Variants in TMEM266 observed in about 807,000 individuals in gnomAD.
TMEM266 encodes the protein Hv1 related protein 1.
In TMEM266, 33 loss-of-function variants were observed where a neutral mutation model predicts 50.5. The ratio of observed to expected loss-of-function variants is 0.65; its 90% CI spans 0.50 to 0.87. TMEM266 has a LOEUF of 0.87. TMEM266 is among the 40% of genes least tolerant of loss of function. The pLI, the probability that TMEM266 is intolerant of heterozygous loss-of-function variation, is 0.00. For missense variants in TMEM266, 655 were observed against 695.1 expected (o/e 0.94, Z 0.65); for synonymous variants, 310 against 292.3 (o/e 1.06, Z -0.62).
At chr15:76,126,783 C>A (rs984308434) in intron 1 of TMEM266, among the ~76,000 whole-genome samples, 2 of 152,056 alleles carry the variant, frequency 1.3e-5, no homozygotes, top group Non-Finnish European at 2.9e-5. Flanking sequence ...CCTGCCTGGG[C>A]CTCCCAAAGT....
At chr15:76,099,686 C>G (rs982253150) in intron 1 of TMEM266, among the ~76,000 whole-genome samples, 19 of 152,166 alleles carry the variant, frequency 1.2e-4, no homozygotes, top group African/African-American at 4.3e-4. Flanking sequence ...CGGGTGTGCT[C>G]TGCTGTCCTG....
intron 2 of TMEM266, among the ~76,000 whole-genome samples, chr15:76,136,227 G>C (rs781055618): frequency 2.6e-5 from 4 of 152,216 alleles, no homozygotes; most frequent in Non-Finnish European, 5.9e-5. Context: ...ACAGGCGTGA[G>C]CCACCATGCC....
chr15:76,156,594 G>T lies in TMEM266; in HGVS notation c.228-10G>T. 1.2e-6 allele frequency: 2 copies of T among 1,613,126 alleles called. No individual in the cohort carries two copies. The highest frequency in any genetic ancestry group is 1.7e-6 in the Non-Finnish European group (2 of 1,179,854). ...CTGAGCCTCTCTTCTCCCCACTTTT[G>T]TCCCCACAGGTCTAACTGGCTGAAG... On this transcript the variant is annotated splice_polypyrimidine_tract_variant and intron_variant, in intron 3 of 10. Transcript: ENST00000388942.
At chr15:76,203,603 G>C (rs536788647) in intron 10 of TMEM266, 138 bp from the exon 11 acceptor site, 2 of 749,720 alleles carry the variant, frequency 2.7e-6, no homozygotes, top group East Asian at 5.0e-5. Context: ...GTTCTACCAA[G>C]GCCTCCTTCC....
intron 1 of TMEM266, among the ~76,000 whole-genome samples, chr15:76,111,110 C>T (rs954197451): frequency 3.4e-5 from 5 of 145,756 alleles, no homozygotes; most frequent in South Asian, 2.2e-4. Flanking sequence ...GATGGAGTTT[C>T]GCTTTTGTTG....
At position 76,202,271 on chromosome 15, in the gene TMEM266, C is replaced by G. The variant is rs1489350728; in HGVS notation, c.1021+7C>G. 2.5e-6 allele frequency: 4 copies of G among 1,612,734 alleles called. No individual in the cohort carries two copies. Among genetic ancestry groups the G allele is most frequent in the Non-Finnish European group, 3.4e-6 (4 of 1,179,110 alleles). On this transcript the variant is annotated splice_region_variant and intron_variant, in intron 10 of 10. Coordinates refer to ENST00000388942, the MANE Select transcript of TMEM266 (RefSeq NM_152335.3). The stretch of plus-strand genomic sequence containing the variant: ...TACAATGGGCCCAGCAGTGGTAAGT[C>G]TGGGTTGGGGCTGTTCTACATGTGC...
At chr15:76,096,420 T>C (rs2036921119) in intron 1 of TMEM266, among the ~76,000 whole-genome samples, 1 of 152,112 alleles carries the variant, frequency 6.6e-6, no homozygotes, top group African/African-American at 2.4e-5. Flanking sequence ...TTGTGCAGTT[T>C]TGAGTGAGTT....
At chr15:76,195,377 C>T (rs1253357978) in intron 9 of TMEM266, among the ~76,000 whole-genome samples, 3 of 152,240 alleles carry the variant, frequency 2.0e-5, no homozygotes, top group Admixed American at 2.0e-4. Flanking sequence ...TGGAGCCCTG[C>T]GTCTTCTCTG....
At chr15:76,151,921 C>T (rs933208142) in intron 3 of TMEM266, among the ~76,000 whole-genome samples, 1 of 152,164 alleles carries the variant, frequency 6.6e-6, no homozygotes, top group Non-Finnish European at 1.5e-5. Flanking sequence ...CTTGATTGCA[C>T]ACTGGAGTCA....
chr15:76,171,009 TG>T lies in TMEM266; in HGVS notation c.531del (p.Ile178SerfsTer35). On this transcript the variant is annotated frameshift_variant, in exon 7 of 11. Transcript: ENST00000388942. LOFTEE classifies it high-confidence loss of function. Reference sequence around the variant, plus strand: ...CTCTCACAGGTGTTTGACGGGGCTGTGATCATCCTATCTTTGGCTCCGATGG... The same window carrying T: ...CTCTCACAGGTGTTTGACGGGGCTGTATCATCCTATCTTTGGCTCCGATGG... 1 of 1,612,876 alleles carries T rather than the reference TG, an allele frequency of 6.2e-7. No homozygotes were observed. Among genetic ancestry groups the T allele is most frequent in the Non-Finnish European group, 8.5e-7 (1 of 1,179,626 alleles).
At chr15:76,090,906 A>G (rs1028159426) in intron 1 of TMEM266, among the ~76,000 whole-genome samples, 5 of 152,204 alleles carry the variant, frequency 3.3e-5, no homozygotes, top group African/African-American at 9.7e-5. Flanking sequence ...AAAAGCTATA[A>G]GACAGTATTT....
At chr15:76,183,103 C>CTTTGTTTTTTT (rs2038442148) in intron 8 of TMEM266, among the ~76,000 whole-genome samples, 1 of 44,126 alleles carries the variant, frequency 2.3e-5, no homozygotes, top group Non-Finnish European at 3.8e-5. Context: ...CATTTTGTGG[C>CTTTGTTTTTTT]TTTTTTTTTT....
chr15:76,195,729 G>C (rs926422687), intron 9 of TMEM266, among the ~76,000 whole-genome samples: 2 of 152,202 alleles, frequency 1.3e-5, no homozygotes, highest in Non-Finnish European at 2.9e-5. Context: ...CACCTCCTCT[G>C]TCTCTCTCAT....
At chr15:76,105,406 C>T (rs79576910) in intron 1 of TMEM266, among the ~76,000 whole-genome samples, 1 of 152,342 alleles carries the variant, frequency 6.6e-6, no homozygotes, top group East Asian at 1.9e-4. Context: ...TTTGCTCATC[C>T]CTTTCTCGAA....
chr15:76,129,045 T>C (rs1263219402), intron 1 of TMEM266, among the ~76,000 whole-genome samples: 1 of 149,650 alleles, frequency 6.7e-6, no homozygotes, highest in Non-Finnish European at 1.5e-5. Flanking sequence ...ATATAAACCA[T>C]ACCTTAGGCT....
Position 76,203,906 on chromosome 15 carries a change from G to A in TMEM266, c.1187G>A (p.Arg396Gln), listed in dbSNP as rs965832770. 13 of 1,613,918 alleles carry A rather than the reference G, an allele frequency of 8.1e-6. No individual in the cohort carries two copies. Among genetic ancestry groups the A allele is most frequent in the Admixed American group, 6.7e-5 (4 of 60,002 alleles). Reference sequence around the variant, plus strand: ...AGTGCCTCCCGCAGCTCAGTCACCCGGGCCCAGAGTGACAGCAGCCAGACG... The same window carrying A: ...AGTGCCTCCCGCAGCTCAGTCACCCAGGCCCAGAGTGACAGCAGCCAGACG... The change falls in exon 11 of 11, where the codon CGG becomes CAG. Residue 396 changes from arginine (R) to glutamine (Q), a missense_variant. Arg to Gln is a conservative substitution (Grantham distance 43). Transcript: ENST00000388942.
chr15:76,195,108 C>T (rs1410083386), intron 9 of TMEM266, among the ~76,000 whole-genome samples: 1 of 152,194 alleles, frequency 6.6e-6, no homozygotes, highest in Non-Finnish European at 1.5e-5. Flanking sequence ...AACCTGCCTA[C>T]CAGACTTCTC....
chr15:76,105,366 T>C (rs1314618376), intron 1 of TMEM266, among the ~76,000 whole-genome samples: 1 of 152,238 alleles, frequency 6.6e-6, no homozygotes, highest in Non-Finnish European at 1.5e-5. Flanking sequence ...CTGGAACCTC[T>C]TCCCTTTCAT....
At chr15:76,066,649 A>C (rs1417357644) in intron 1 of TMEM266, among the ~76,000 whole-genome samples, 1 of 151,970 alleles carries the variant, frequency 6.6e-6, no homozygotes, top group Non-Finnish European at 1.5e-5. Context: ...TTAAAAAAAA[A>C]AAAAAAAATT....
Sources: allele counts gnomAD v4.1 joint callset (sites outside exome capture counted in the v4.1 genomes callset), GRCh38; gene constraint gnomAD v4.1.1; transcripts MANE v1.5; gene names NCBI Gene and HGNC (gene_info 2026-07-23, HGNC 2026-07-21).